Variants in PDE6A observed in about 807,000 individuals in gnomAD.
The protein encoded by PDE6A is phosphodiesterase 6A.
A neutral mutation model predicts 106.3 loss-of-function variants in PDE6A; 84 were observed. The ratio of observed to expected loss-of-function variants is 0.79; its 90% CI spans 0.66 to 0.95. PDE6A has a LOEUF of 0.95. PDE6A is among the 40% of genes least tolerant of loss of function. The pLI is 0.00. For synonymous variants in PDE6A, 394 were observed against 386.6 expected (o/e 1.02, Z -0.23); for missense variants, 1,052 against 1,084.9 (o/e 0.97, Z 0.43).
chr5:149,866,492 T>C (rs1287049825), intron 19 of PDE6A: 29 of 486,178 alleles, frequency 6.0e-5, no homozygotes. Flanking sequence ...AGCAAATAAA[T>C]GGCATACCAG....
At chr5:149,915,606 G>A (rs1027648380) in intron 5 of PDE6A, among the ~76,000 whole-genome samples, 4 of 152,108 alleles carry the variant, frequency 2.6e-5, no homozygotes, top group African/African-American at 9.7e-5. Flanking sequence ...TCAGGAAGAG[G>A]GCTGGGATCT....
At position 149,885,886 on chromosome 5, in the gene PDE6A, C is replaced by G. The variant is rs1400682755; in HGVS notation, c.1838+379G>C. Reference sequence around the variant, plus strand: ...CATTCCTTGCTTGTAGGCCATGCCTCCATCTTCAAAGCCAGCAGGGTAGCA... The same window carrying G: ...CATTCCTTGCTTGTAGGCCATGCCTGCATCTTCAAAGCCAGCAGGGTAGCA... On this transcript the variant is annotated intron_variant, in intron 14 of 21. Coordinates refer to ENST00000255266, the MANE Select transcript of PDE6A (RefSeq NM_000440.3). 2.0e-5 allele frequency among the ~76,000 whole-genome samples: 3 copies of G among 152,234 alleles called. No homozygotes were observed. The South Asian group carries it at 6.2e-4, about 32-fold the overall frequency.
chr5:149,929,938 T>A (rs1471486178), intron 4 of PDE6A, among the ~76,000 whole-genome samples: 4 of 152,192 alleles, frequency 2.6e-5, no homozygotes, highest in African/African-American at 9.7e-5. Flanking sequence ...TTTTATTTTA[T>A]TTTTTGTAGA....
chr5:149,931,025 C>A lies in PDE6A; in HGVS notation c.858+3G>T, dbSNP rs1237801135. 6.2e-7 allele frequency: 1 copy of A among 1,614,026 alleles called. No individual in the cohort carries two copies. The highest frequency in any genetic ancestry group is 1.7e-5 in the Admixed American group (1 of 60,016). ...GAAATGTCTGTTGCTGAAGTTTTCT[C>A]ACCTTCTGCTTGGTCATGTCTAAGA... is the stretch of plus-strand genomic sequence containing the variant. On this transcript the variant is annotated splice_donor_region_variant and intron_variant, in intron 4 of 21. Coordinates refer to ENST00000255266, the MANE Select transcript of PDE6A (RefSeq NM_000440.3).
intron 4 of PDE6A, among the ~76,000 whole-genome samples, chr5:149,924,853 T>C (rs990797567): frequency 2.0e-5 from 3 of 152,192 alleles, no homozygotes; most frequent in Non-Finnish European, 4.4e-5. Flanking sequence ...GCTAAGAAGC[T>C]GAGCCAAGCT....
At position 149,944,340 on chromosome 5, in the gene PDE6A, G is replaced by C; in HGVS notation, c.334C>G (p.Leu112Val). 1.2e-6 allele frequency: 2 copies of C among 1,614,134 alleles called. No homozygotes were observed. The highest frequency in any genetic ancestry group is 1.7e-6 in the Non-Finnish European group (2 of 1,180,024). The change falls in exon 1 of 22, where the codon CTT becomes GTT. Residue 112 changes from leucine to valine, a missense_variant. Around this residue, in one of 3 missense-constraint regions of PDE6A, gnomAD observed 913 missense variants for 915.2 expected, o/e 1.00. Coordinates refer to ENST00000255266, the MANE Select transcript of PDE6A (RefSeq NM_000440.3). ...ACAGCATCCTTGTGGACATTGAAAAGCCTGGTGGCCAGCTCTGCGATGCCA... is the reference window on the plus strand; with the variant it reads ...ACAGCATCCTTGTGGACATTGAAAACCCTGGTGGCCAGCTCTGCGATGCCA... ...RNGIAELATR[L>V]FNVHKDAVLE...
intron 3 of PDE6A, among the ~76,000 whole-genome samples, chr5:149,933,379 C>G (rs1011772097): frequency 2.6e-5 from 4 of 152,212 alleles, no homozygotes; most frequent in African/African-American, 9.6e-5. Context: ...CCTGCCTTGG[C>G]CTCCCAAAGT....
chr5:149,884,454 TATTAGA>T lies in PDE6A; in HGVS notation c.2027+19_2027+24del. The T allele has an allele frequency of 6.9e-7, 1 of 1,439,230 alleles. No homozygotes were observed. The allele number at this position is 1,439,230 out of a possible 1,614,324, so 89.2% of individuals were successfully genotyped here. ...TACATATAATCATTGTTGCTTTTAC[TATTAGA>T]ATGAGAAGATATACCAACTTGAAAT... is the stretch of plus-strand genomic sequence containing the variant. On this transcript the variant is annotated intron_variant, in intron 16 of 21. Coordinates refer to ENST00000255266, the MANE Select transcript of PDE6A (RefSeq NM_000440.3).
intron 5 of PDE6A, among the ~76,000 whole-genome samples, chr5:149,920,767 G>T (rs1170714464): frequency 3.3e-5 from 5 of 151,820 alleles, no homozygotes; most frequent in Non-Finnish European, 5.9e-5. Flanking sequence ...ATTTTTAAGG[G>T]TTAGCCGCCA....
At chr5:149,923,790 C>T (rs1753801070) in intron 4 of PDE6A, among the ~76,000 whole-genome samples, 1 of 152,160 alleles carries the variant, frequency 6.6e-6, no homozygotes, top group South Asian at 2.1e-4. Context: ...GGCTTCCATC[C>T]TCCAGTGCCC....
intron 3 of PDE6A, chr5:149,932,105 G>C: frequency 7.8e-7 from 1 of 1,286,760 alleles, no homozygotes; most frequent in South Asian, 1.2e-5. Flanking sequence ...TGTTCTCCTC[G>C]TCCGGAAGTT....
intron 17 of PDE6A, among the ~76,000 whole-genome samples, chr5:149,881,131 C>A (rs1202249328): frequency 6.6e-6 from 1 of 152,098 alleles, no homozygotes; most frequent in Non-Finnish European, 1.5e-5. Flanking sequence ...AAAAAGGAAT[C>A]CTTATGCACT....
chr5:149,943,092 A>T (rs1267448170), intron 1 of PDE6A, among the ~76,000 whole-genome samples: 1 of 152,006 alleles, frequency 6.6e-6, no homozygotes, highest in Non-Finnish European at 1.5e-5. Flanking sequence ...CCATGAGGCC[A>T]TATCTCAGGC....
At chr5:149,921,601 TTAAA>T (rs1372096536) in intron 5 of PDE6A, 30 bp downstream of exon 5, 4 of 1,542,402 alleles carry the variant, frequency 2.6e-6, no homozygotes, top group Non-Finnish European at 3.6e-6. Context: ...TTTGAATATA[TTAAA>T]TCATACTGAA....
intron 9 of PDE6A, 93 bp downstream of exon 9, chr5:149,899,282 T>C: frequency 1.6e-6 from 2 of 1,260,784 alleles, no homozygotes; most frequent in Non-Finnish European, 2.3e-6. Context: ...AGCAACCAGG[T>C]TGCTGCCCCA....
chr5:149,912,855 G>A (rs896947659), intron 6 of PDE6A, among the ~76,000 whole-genome samples: 2 of 152,096 alleles, frequency 1.3e-5, no homozygotes, highest in African/African-American at 4.8e-5. Context: ...GAGAAACATA[G>A]GTTAGGGACT....
intron 12 of PDE6A, among the ~76,000 whole-genome samples, chr5:149,895,659 C>T (rs1026154646): frequency 6.6e-6 from 1 of 151,892 alleles, no homozygotes; most frequent in African/African-American, 2.4e-5. Flanking sequence ...AACAAAAGGA[C>T]TCTTTTATCC....
At chr5:149,896,812 G>C (rs922092915) in intron 10 of PDE6A, 36 bp from the exon 11 acceptor site, 1 of 1,608,232 alleles carries the variant, frequency 6.2e-7, no homozygotes, top group Non-Finnish European at 8.5e-7. Flanking sequence ...AAAAAAAATA[G>C]GTTACAACAT....
At chr5:149,932,079 C>T in intron 3 of PDE6A, 1 of 1,397,624 alleles carries the variant, frequency 7.2e-7, no homozygotes. Flanking sequence ...GACCATTTCT[C>T]TTTTAGCACG....
Sources: allele counts gnomAD v4.1 joint callset (sites outside exome capture counted in the v4.1 genomes callset), GRCh38; gene constraint gnomAD v4.1.1; regional missense constraint gnomAD v4.1.1; transcripts MANE v1.5; gene names NCBI Gene and HGNC (gene_info 2026-07-23, HGNC 2026-07-21).